The following ARHGEF37 variants were observed in gnomAD, a reference collection of about 807,000 sequenced individuals.
ARHGEF37 encodes Rho guanine nucleotide exchange factor (GEF) 37.
In ARHGEF37, 55 loss-of-function variants were observed where a neutral mutation model predicts 71.1. That is an observed-to-expected ratio of 0.77 (90% CI 0.62 to 0.97). The LOEUF is 0.97. Among genes scored for constraint, ARHGEF37 ranks in the 50% least tolerant of loss-of-function variants. The pLI is 0.00. For missense variants in ARHGEF37, 765 were observed against 836.8 expected, an observed-to-expected ratio of 0.91 and a Z score of 1.06; for synonymous variants, 327 against 350.6, an observed-to-expected ratio of 0.93 and a Z score of 0.75.
chr5:149,595,105 T>C (rs1373077783), intron 1 of ARHGEF37, among the ~76,000 whole-genome samples: 1 of 152,152 alleles, frequency 6.6e-6, no homozygotes, highest in Non-Finnish European at 1.5e-5. Flanking sequence ...AAAGGCAACA[T>C]GAGGGATGTT....
At chr5:149,609,865 C>G (rs962195895) in intron 4 of ARHGEF37, among the ~76,000 whole-genome samples, 170 bp downstream of exon 4, 3 of 152,218 alleles carry the variant, frequency 2.0e-5, no homozygotes, top group Admixed American at 6.5e-5. Flanking sequence ...AAACAGCTCC[C>G]ACATCTCAGT....
intron 4 of ARHGEF37, among the ~76,000 whole-genome samples, chr5:149,612,410 G>A (rs1463777499): frequency 5.3e-5 from 8 of 152,120 alleles, no homozygotes; most frequent in Non-Finnish European, 8.8e-5. Flanking sequence ...CTCGTGATCC[G>A]CCCACCTCGG....
chr5:149,598,377 CCTCTTCTTCCTCT>C (rs2113307740), intron 2 of ARHGEF37, among the ~76,000 whole-genome samples: 1 of 112,464 alleles, frequency 8.9e-6, no homozygotes, highest in African/African-American at 3.1e-5. Context: ...TCTTCCTCTT[CCTCTTCTTCCTCT>C]TCCTCTCCTT....
intron 1 of ARHGEF37, among the ~76,000 whole-genome samples, chr5:149,596,772 G>A (rs1236937884): frequency 6.6e-6 from 1 of 152,156 alleles, no homozygotes; most frequent in Non-Finnish European, 1.5e-5. Context: ...AGCAGGAAAT[G>A]CCAATGCAAG....
intron 1 of ARHGEF37, among the ~76,000 whole-genome samples, chr5:149,583,481 A>AC (rs1252081202): frequency 6.6e-6 from 1 of 152,102 alleles, no homozygotes; most frequent in Non-Finnish European, 1.5e-5. Context: ...ATAAACTGGG[A>AC]CCTGAGCAGC....
intron 12 of ARHGEF37, among the ~76,000 whole-genome samples, chr5:149,631,135 TCTTCCTTCCTTCTTTCCTTC>T (rs1244995945): frequency 6.7e-6 from 1 of 148,318 alleles, no homozygotes; most frequent in Non-Finnish European, 1.5e-5. Context: ...TTTCTTTCTT[TCTTCCTTCCTTCTTTCCTTC>T]CTTCCTTCCT....
intron 11 of ARHGEF37, among the ~76,000 whole-genome samples, 197 bp downstream of exon 11, chr5:149,627,468 G>A (rs1447140924): frequency 1.3e-5 from 2 of 152,208 alleles, no homozygotes; most frequent in Non-Finnish European, 2.9e-5. Flanking sequence ...GCCAACAAGA[G>A]GAATTGAGGC....
At chr5:149,601,052 C>CA in intron 2 of ARHGEF37, 56 bp from the exon 3 acceptor site, 1 of 1,578,794 alleles carries the variant, frequency 6.3e-7, no homozygotes, top group Non-Finnish European at 8.7e-7. Flanking sequence ...CAAAAGCCTG[C>CA]AAATACATTC....
At chr5:149,570,695 G>A (rs2113246132) in intron 1 of ARHGEF37, among the ~76,000 whole-genome samples, 1 of 151,716 alleles carries the variant, frequency 6.6e-6, no homozygotes, top group East Asian at 2.0e-4. Flanking sequence ...GGCCAATATG[G>A]TGAAACCCCG....
chr5:149,614,360 C>T (rs563082938), intron 4 of ARHGEF37, among the ~76,000 whole-genome samples: 3 of 152,164 alleles, frequency 2.0e-5, no homozygotes, highest in African/African-American at 7.2e-5. Context: ...TGTACAAAGA[C>T]CTGTTTTTCC....
At chr5:149,555,852 G>C (rs1762747335) in intron 1 of ARHGEF37, among the ~76,000 whole-genome samples, 1 of 152,020 alleles carries the variant, frequency 6.6e-6, no homozygotes, top group Non-Finnish European at 1.5e-5. Context: ...GGCTGGGTGT[G>C]ATGGCTCATG....
Position 149,632,115 on chromosome 5 carries a change from A to G in ARHGEF37, c.1952A>G (p.Gln651Arg). ...TGGAGCCTGGTGGAAGTGAATGGACAGAGGGGTTATGTGCCTTCTGGCTTC... is the reference window on the plus strand; with the variant it reads ...TGGAGCCTGGTGGAAGTGAATGGACGGAGGGGTTATGTGCCTTCTGGCTTC... ...PEWSLVEVNG[Q>R]RGYVPSGFLA... Residue 651 changes from glutamine to arginine, a missense_variant, in exon 13 of 13, where the codon CAG (glutamine) becomes CGG (arginine). Gln to Arg is a conservative substitution (Grantham distance 43). This residue lies in a region of ARHGEF37 where 390 missense variants were observed against 407.4 expected (regional missense o/e 0.96). Coordinates refer to ENST00000333677, the MANE Select transcript of ARHGEF37 (RefSeq NM_001001669.3). 1 of 1,614,254 alleles carries G rather than the reference A, an allele frequency of 6.2e-7. No individual in the cohort carries two copies. Among genetic ancestry groups the G allele is most frequent in the African/African-American group, 1.3e-5 (1 of 75,066 alleles).
chr5:149,579,802 G>T (rs1048583595), upstream of ARHGEF37, among the ~76,000 whole-genome samples: 3 of 151,804 alleles, frequency 2.0e-5, no homozygotes, highest in African/African-American at 4.8e-5. Context: ...GGCTGGCCTC[G>T]AACTCCTGAC....
chr5:149,584,220 T>C (rs921574734), intron 1 of ARHGEF37, among the ~76,000 whole-genome samples: 7 of 152,222 alleles, frequency 4.6e-5, no homozygotes, highest in Non-Finnish European at 8.8e-5. Flanking sequence ...GTTGTCTCCT[T>C]CCTCTTTTGG....
At position 149,628,792 on chromosome 5, in the gene ARHGEF37, T is replaced by C. The variant is rs768298143; in HGVS notation, c.1661-17T>C. On this transcript the variant is annotated splice_polypyrimidine_tract_variant and intron_variant, in intron 11 of 12. Transcript: ENST00000333677. ...GAAGGTGGCCCGCAGCCTGCTAACC[T>C]TCTGCATGCTCCCTAGGACATCGTG... 1.2e-6 allele frequency: 2 copies of C among 1,607,288 alleles called. No individual in the cohort carries two copies. The highest frequency in any genetic ancestry group is 1.7e-6 in the Non-Finnish European group (2 of 1,176,470).
At chr5:149,591,046 C>T (rs949522049) in intron 1 of ARHGEF37, among the ~76,000 whole-genome samples, 1 of 152,096 alleles carries the variant, frequency 6.6e-6, no homozygotes, top group Non-Finnish European at 1.5e-5. Context: ...GTGAATAGTA[C>T]AGAGGACCTC....
chr5:149,607,391 G>T (rs987781331), intron 3 of ARHGEF37, among the ~76,000 whole-genome samples: 1 of 152,198 alleles, frequency 6.6e-6, no homozygotes. Flanking sequence ...CCCAGGACTA[G>T]TTACCTCTGC....
intron 1 of ARHGEF37, among the ~76,000 whole-genome samples, chr5:149,569,617 G>A (rs1219641841): frequency 6.8e-6 from 1 of 146,352 alleles, no homozygotes; most frequent in African/African-American, 2.5e-5. Context: ...ACCACACCCG[G>A]CCTTATTTAT....
At chr5:149,604,774 C>T (rs972717736) in intron 3 of ARHGEF37, among the ~76,000 whole-genome samples, 2 of 147,962 alleles carry the variant, frequency 1.4e-5, no homozygotes, top group African/African-American at 5.0e-5. Flanking sequence ...CCTCTGCCTC[C>T]TGGGTTCAAG....
Sources: gnomAD v4.1 joint callset for allele counts (sites outside exome capture counted in the v4.1 genomes callset) on GRCh38, gnomAD v4.1.1 for gene constraint, gnomAD v4.1.1 regional missense constraint, MANE v1.5 for transcripts, NCBI Gene and HGNC (gene_info 2026-07-23, HGNC 2026-07-21) for gene names.